Variants in TOGARAM2 observed in about 807,000 individuals in gnomAD.
The protein encoded by TOGARAM2 is TOG array regulator of axonemal microtubules protein 2.
A neutral mutation model predicts 93.3 loss-of-function variants in TOGARAM2; 85 were observed. The observed-to-expected ratio is 0.91, with a 90% CI of 0.76 to 1.09. The LOEUF (loss-of-function observed/expected upper bound fraction) is 1.09. Ranked by LOEUF, TOGARAM2 falls within the 50% of genes least tolerant of loss-of-function variation. TOGARAM2 has a pLI of 0.00. For synonymous variants in TOGARAM2, 593 were observed against 552.8 expected, an observed-to-expected ratio of 1.07 and a Z score of -1.02; for missense variants, 1,277 against 1,334.5, an observed-to-expected ratio of 0.96 and a Z score of 0.67.
intron 4 of TOGARAM2, among the ~76,000 whole-genome samples, chr2:29,001,963 G>A (rs930267497): frequency 6.6e-6 from 1 of 152,090 alleles, no homozygotes. Flanking sequence ...GCATGGCTGT[G>A]GGGTGAGATG....
At chr2:29,045,208 G>C in intron 18 of TOGARAM2, 116 bp from the exon 19 acceptor site, 2 of 742,798 alleles carry the variant, frequency 2.7e-6, no homozygotes, top group Non-Finnish European at 4.5e-6. Flanking sequence ...AATTAATTCA[G>C]CTCCCCCAAA....
rs148405067 is a variant in TOGARAM2, at chr2:29,036,686, A to G, written c.2564A>G (p.Asn855Ser). The change falls in exon 18 of 20, where the codon AAC becomes AGC. Residue 855 changes from asparagine to serine, a missense_variant. Transcript: ENST00000379558. The stretch of plus-strand genomic sequence containing the variant: ...TCCATCATCATCACTGTTGCAGACA[A>G]CCTCAACTCCAAGAACTCAGGGATT... ...LLSIIITVAD[N>S]LNSKNSGIYA... 346 of 1,613,772 alleles carry G rather than the reference A, an allele frequency of 2.1e-4. 1 individual carries two copies. Among genetic ancestry groups the G allele is most frequent in the Middle Eastern group, 6.6e-4 (4 of 6,084 alleles).
chr2:28,978,554 T>C (rs1672068881), upstream of TOGARAM2, among the ~76,000 whole-genome samples: 1 of 152,120 alleles, frequency 6.6e-6, no homozygotes, highest in Admixed American at 6.5e-5. Flanking sequence ...TTAGTAGTCT[T>C]CCACTGACCA....
At chr2:28,962,318 G>A (rs1432987137) in intron 1 of TOGARAM2, among the ~76,000 whole-genome samples, 1 of 151,938 alleles carries the variant, frequency 6.6e-6, no homozygotes, top group Non-Finnish European at 1.5e-5. Context: ...TCAGATTACA[G>A]GCATGTGCCA....
intron 17 of TOGARAM2, among the ~76,000 whole-genome samples, chr2:29,036,147 G>A (rs1225448644): frequency 6.6e-6 from 1 of 152,154 alleles, no homozygotes; most frequent in Non-Finnish European, 1.5e-5. Flanking sequence ...GCAGACCTGG[G>A]TTTCCATCCA....
chr2:29,017,815 G>A lies in TOGARAM2; in HGVS notation c.1219G>A (p.Gly407Arg), dbSNP rs145050353. The A allele has an allele frequency of 5.1e-4, 823 of 1,611,360 alleles. 2 individuals carry two copies. In the African/African-American group the frequency reaches 9.8e-3, roughly 19 times the overall value. Residue 407 changes from glycine (G) to arginine (R), a missense_variant, in exon 10 of 20, where the codon GGG (glycine) becomes AGG (arginine). Physicochemically the swap from Gly to Arg is moderately radical, Grantham distance 125 (BLOSUM62 -2). Coordinates refer to ENST00000379558, the MANE Select transcript of TOGARAM2 (RefSeq NM_199280.4). ...AGGCCTCCTTCCCCTCCGGGGCAGC[G>A]GGACACTGTCTGTGCCCACTAGGCT... ...KEGLLPLRGS[G>R]TLSVPTRLSG...
intron 1 of TOGARAM2, among the ~76,000 whole-genome samples, chr2:28,958,277 C>T (rs1404488997): frequency 6.6e-6 from 1 of 151,296 alleles, no homozygotes; most frequent in Non-Finnish European, 1.5e-5. Context: ...CCAAATGATC[C>T]TTTCTCCCTC....
At position 29,052,008 on chromosome 2, in the gene TOGARAM2, TG is replaced by T; in HGVS notation, c.2978del (p.Gly993GlufsTer?). 2 of 1,612,994 alleles carry T rather than the reference TG, an allele frequency of 1.2e-6. No individual in the cohort carries two copies. The highest frequency in any genetic ancestry group is 1.7e-6 in the Non-Finnish European group (2 of 1,179,630). On this transcript the variant is annotated frameshift_variant, in exon 20 of 20. Transcript: ENST00000379558. LOFTEE classifies it low-confidence loss of function (END_TRUNC). The part of the protein sequence containing the change: ...TLQELLDSES[L>X]GGSRKATDRG... ...CAGGAACTCTTAGACTCAGAGTCCT[TG>T]GGAGGCAGCCGCAAGGCCACTGACA... is the stretch of plus-strand genomic sequence containing the variant.
At chr2:29,051,511 A>C (rs1456693575) in intron 19 of TOGARAM2, 6 of 362,708 alleles carry the variant, frequency 1.7e-5, no homozygotes, top group Non-Finnish European at 2.9e-5. Flanking sequence ...AATATTTAAA[A>C]ATTATAGTTT....
Position 29,017,179 on chromosome 2 carries a change from C to T in TOGARAM2, c.1070C>T (p.Ala357Val). 1 of 1,613,738 alleles carries T rather than the reference C, an allele frequency of 6.2e-7. No homozygotes were observed. The highest frequency in any genetic ancestry group is 1.1e-5 in the South Asian group (1 of 91,048). ...ATCCAAGTCACCATCTCCAAGTCTG[C>T]CCGGGAGAAGATGCAGCTGAAGCAG... is the stretch of plus-strand genomic sequence containing the variant. Reference protein sequence around the residue: ...TKIQVTISKSAREKMQLKQMK... With the variant: ...TKIQVTISKSVREKMQLKQMK... The change falls in exon 9 of 20, where the codon GCC becomes GTC. Residue 357 changes from alanine to valine, a missense_variant. Coordinates refer to ENST00000379558, the MANE Select transcript of TOGARAM2 (RefSeq NM_199280.4).
In TOGARAM2 at chr2:28,997,687, G is replaced by A. The variant is rs137859731; in HGVS notation, c.29-456G>A. Among the ~76,000 whole-genome samples, 180 of 152,318 alleles carry A rather than the reference G, an allele frequency of 1.2e-3. 2 individuals are homozygous for A. The highest frequency in any genetic ancestry group is 4.2e-3 in the African/African-American group (175 of 41,568). Reference sequence around the variant, plus strand: ...GCAAGGTAATTGGATGCTCTGTAACGGGTGGGATTGGTCAGGGCGGAAGCC... The same window carrying A: ...GCAAGGTAATTGGATGCTCTGTAACAGGTGGGATTGGTCAGGGCGGAAGCC... On this transcript the variant is annotated intron_variant, in intron 2 of 19. Coordinates refer to ENST00000379558, the MANE Select transcript of TOGARAM2 (RefSeq NM_199280.4).
intron 18 of TOGARAM2, among the ~76,000 whole-genome samples, chr2:29,039,842 G>T (rs1301853646): frequency 2.6e-5 from 4 of 152,120 alleles, no homozygotes; most frequent in Non-Finnish European, 4.4e-5. Context: ...GCTCTTATTG[G>T]GTTAGTTACA....
At chr2:29,034,505 G>T (rs2148374392) in intron 16 of TOGARAM2, among the ~76,000 whole-genome samples, 1 of 152,346 alleles carries the variant, frequency 6.6e-6, no homozygotes, top group Middle Eastern at 3.4e-3. Flanking sequence ...GCCCAGCACA[G>T]CTCTTGGCTC....
intron 6 of TOGARAM2, among the ~76,000 whole-genome samples, chr2:29,009,900 C>T (rs984147854): frequency 2.0e-5 from 3 of 152,264 alleles, no homozygotes; most frequent in Admixed American, 2.0e-4. Context: ...TCGGCATGGC[C>T]TGTCTTGGCC....
intron 16 of TOGARAM2, 140 bp downstream of exon 16, chr2:29,033,703 A>G: frequency 1.5e-6 from 1 of 688,820 alleles, no homozygotes; most frequent in Non-Finnish European, 2.4e-6. Flanking sequence ...CTGCAATACT[A>G]ATAGATGAAT....
At position 29,011,353 on chromosome 2, in the gene TOGARAM2, C is replaced by T. The variant is rs1229804522; in HGVS notation, c.831-102C>T. 3.2e-6 allele frequency: 3 copies of T among 950,530 alleles called. No individual in the cohort carries two copies. The Admixed American group carries it at 7.5e-5, about 24-fold the overall frequency. 58.9% of individuals were successfully genotyped at this position (950,530 alleles called of 1,614,324 possible). A position where few individuals can be genotyped will look rare whatever the true frequency, so the allele number is the denominator to read the frequency against. Reference sequence around the variant, plus strand: ...TAACAGTGCCGTCCCCTCTGTCCCCCATCTCGGCCATTGCCCCATCCTGGA... The same window carrying T: ...TAACAGTGCCGTCCCCTCTGTCCCCTATCTCGGCCATTGCCCCATCCTGGA... On this transcript the variant is annotated intron_variant, in intron 6 of 19. Transcript: ENST00000379558.
chr2:29,011,522 C>G (rs1193011626), intron 7 of TOGARAM2, 21 bp downstream of exon 7: 1 of 1,593,190 alleles, frequency 6.3e-7, no homozygotes, highest in Non-Finnish European at 8.5e-7. Flanking sequence ...TCCATGCACA[C>G]CTCCCTTTGT....
upstream of TOGARAM2, among the ~76,000 whole-genome samples, chr2:28,980,702 G>T (rs982460872): frequency 1.3e-5 from 2 of 152,318 alleles, no homozygotes; most frequent in African/African-American, 2.4e-5. Flanking sequence ...GGAGAAATCT[G>T]GTTGGGACGA....
At chr2:29,027,970 G>A (rs1160172897) in intron 14 of TOGARAM2, among the ~76,000 whole-genome samples, 2 of 152,238 alleles carry the variant, frequency 1.3e-5, no homozygotes, top group Non-Finnish European at 2.9e-5. Flanking sequence ...AAGGTCAGGA[G>A]TTGGGATTTT....
Sources: gnomAD v4.1 joint callset for allele counts (sites outside exome capture counted in the v4.1 genomes callset) on GRCh38, gnomAD v4.1.1 for gene constraint, MANE v1.5 for transcripts, NCBI Gene and HGNC (gene_info 2026-07-23, HGNC 2026-07-21) for gene names.